The following CAMKMT variants were observed in gnomAD, a reference collection of about 807,000 sequenced individuals.
CAMKMT encodes the protein calmodulin-lysine N-methyltransferase.
In CAMKMT, 53 loss-of-function variants were observed where a neutral mutation model predicts 48.0. The observed-to-expected ratio is 1.10, with a 90% CI of 0.89 to 1.39. CAMKMT has a LOEUF of 1.39. Among genes scored for constraint, CAMKMT ranks in the 40% most tolerant of loss-of-function variants. The pLI is 0.00. For synonymous variants in CAMKMT, 165 were observed against 152.3 expected (o/e 1.08, Z -0.61); for missense variants, 428 against 402.7 (o/e 1.06, Z -0.54).
At chr2:44,373,838 T>G (rs1679412612) in intron 2 of CAMKMT, among the ~76,000 whole-genome samples, 1 of 152,042 alleles carries the variant, frequency 6.6e-6, no homozygotes, top group African/African-American at 2.4e-5. Flanking sequence ...TTACTGAAAA[T>G]GCCGGCTGGG....
Position 44,361,970 on chromosome 2 carries a change from C to G in CAMKMT, c.-38C>G, listed in dbSNP as rs770580663. On this transcript the variant is annotated 5_prime_UTR_variant, in exon 1 of 11. Coordinates refer to ENST00000378494, the MANE Select transcript of CAMKMT (RefSeq NM_024766.5). ...GCAGGTCCTGGCAGGGGACGAGCTGCGGCGGTGGCACCTCCGGGTGTGGAA... is the reference window on the plus strand; with the variant it reads ...GCAGGTCCTGGCAGGGGACGAGCTGGGGCGGTGGCACCTCCGGGTGTGGAA... 7 of 1,362,058 alleles carry G rather than the reference C, an allele frequency of 5.1e-6. No individual in the cohort carries two copies. The highest frequency in any genetic ancestry group is 6.6e-6 in the Non-Finnish European group (7 of 1,061,704). 84.4% of individuals were successfully genotyped at this position (1,362,058 alleles called of 1,614,324 possible). A position where few individuals can be genotyped will look rare whatever the true frequency, so the allele number is the denominator to read the frequency against.
intron 3 of CAMKMT, among the ~76,000 whole-genome samples, chr2:44,641,173 G>T (rs898657297): frequency 6.6e-6 from 1 of 151,966 alleles, no homozygotes; most frequent in Non-Finnish European, 1.5e-5. Context: ...TTCTTAAATG[G>T]CAGCTTTTCC....
At chr2:44,496,969 C>T (rs1669780145) in intron 3 of CAMKMT, among the ~76,000 whole-genome samples, 1 of 151,982 alleles carries the variant, frequency 6.6e-6, no homozygotes, top group Non-Finnish European at 1.5e-5. Context: ...AACCTTTGGC[C>T]GAAATAATCT....
chr2:44,696,872 G>A (rs571362363), intron 3 of CAMKMT, among the ~76,000 whole-genome samples: 95 of 151,978 alleles, frequency 6.3e-4, no homozygotes, highest in African/African-American at 2.1e-3. Flanking sequence ...TCATGAAACA[G>A]GAATAGGATG....
intron 3 of CAMKMT, among the ~76,000 whole-genome samples, chr2:44,658,664 G>A (rs1674510003): frequency 2.0e-5 from 3 of 152,132 alleles, no homozygotes; most frequent in South Asian, 4.2e-4. Context: ...TCAATTATAA[G>A]ATAGGATAAC....
intron 3 of CAMKMT, among the ~76,000 whole-genome samples, chr2:44,624,479 G>GC (rs1672368869): frequency 6.6e-6 from 1 of 151,480 alleles, no homozygotes; most frequent in African/African-American, 2.4e-5. Context: ...CCTCCCCTGT[G>GC]CCCCCACCCC....
intron 3 of CAMKMT, among the ~76,000 whole-genome samples, chr2:44,535,014 GGA>G (rs151262006): frequency 9.0e-4 from 134 of 148,492 alleles, no homozygotes; most frequent in African/African-American, 1.1e-3. Flanking sequence ...GGGGAGAGGG[GGA>G]GAGAGAGAGA....
rs892971293 is a variant in CAMKMT at position 44,592,158 on chromosome 2, A to G, written c.377-112125A>G. ...CAGCACACCAGCATGGCACATGTATACATATGTAACTAACCTGAATATTGT... is the reference window on the plus strand; with the variant it reads ...CAGCACACCAGCATGGCACATGTATGCATATGTAACTAACCTGAATATTGT... On this transcript the variant is annotated intron_variant, in intron 3 of 10. Coordinates refer to ENST00000378494, the MANE Select transcript of CAMKMT (RefSeq NM_024766.5). 2.0e-5 allele frequency among the ~76,000 whole-genome samples: 3 copies of G among 152,090 alleles called. No individual in the cohort carries two copies. The East Asian group carries it at 5.8e-4, about 29-fold the overall frequency.
At chr2:44,735,769 C>T (rs766801676) in intron 7 of CAMKMT, among the ~76,000 whole-genome samples, 9 of 151,826 alleles carry the variant, frequency 5.9e-5, no homozygotes, top group Non-Finnish European at 1.2e-4. Flanking sequence ...AAAAATTAGC[C>T]AGGCGTGGTC....
intron 3 of CAMKMT, among the ~76,000 whole-genome samples, chr2:44,703,804 G>C (rs1677392920): frequency 6.8e-6 from 1 of 146,032 alleles, no homozygotes. Context: ...AGACAGAATT[G>C]TGCATGTTTA....
At chr2:44,368,913 G>A (rs546474910) in intron 1 of CAMKMT, among the ~76,000 whole-genome samples, 2 of 152,186 alleles carry the variant, frequency 1.3e-5, no homozygotes, top group Admixed American at 6.5e-5. Flanking sequence ...TCTGTTGCCT[G>A]CGCTGGAGTG....
chr2:44,419,494 G>T (rs559299977), intron 3 of CAMKMT, among the ~76,000 whole-genome samples: 1 of 152,276 alleles, frequency 6.6e-6, no homozygotes, highest in South Asian at 2.1e-4. Context: ...AAGGATGTTC[G>T]CAGCTTCTAG....
chr2:44,706,459 C>A, intron 5 of CAMKMT, 118 bp downstream of exon 5: 1 of 964,408 alleles, frequency 1.0e-6, no homozygotes, highest in South Asian at 1.3e-5. Flanking sequence ...GTCAAGCTGC[C>A]GGGTCTTGAG....
At position 44,770,559 on chromosome 2, in the gene CAMKMT, A is replaced by G. The variant is rs1216213662; in HGVS notation, c.895-1477A>G. ...AGTAATCAACTTTCCCTTATCCCCA[A>G]TCCCCAAGGAAAGAATTGAGCTAGC... On this transcript the variant is annotated intron_variant, in intron 10 of 10. Transcript: ENST00000378494. Among the ~76,000 whole-genome samples, 8 of 152,208 alleles carry G rather than the reference A, an allele frequency of 5.3e-5. No homozygotes were observed. In the East Asian group the frequency reaches 1.4e-3, roughly 26 times the overall value.
intron 3 of CAMKMT, among the ~76,000 whole-genome samples, chr2:44,672,920 C>A (rs1675416208): frequency 6.6e-6 from 1 of 152,100 alleles, no homozygotes; most frequent in African/African-American, 2.4e-5. Flanking sequence ...ACAGACATTT[C>A]ATAACTACTA....
At chr2:44,664,164 T>G (rs527650) in intron 3 of CAMKMT, among the ~76,000 whole-genome samples, 97,778 of 152,074 alleles carry the variant, frequency 0.64, 31,985 homozygotes, top group Middle Eastern at 0.72. Context: ...AAGCACTTGG[T>G]TTCTGAAATT....
chr2:44,513,668 C>A (rs1267142994), intron 3 of CAMKMT, among the ~76,000 whole-genome samples: 1 of 152,168 alleles, frequency 6.6e-6, no homozygotes, highest in African/African-American at 2.4e-5. Flanking sequence ...ACTTCTCTTT[C>A]CCTTCTTGGG....
At chr2:44,411,177 C>T (rs939742631) in intron 3 of CAMKMT, among the ~76,000 whole-genome samples, 5 of 152,112 alleles carry the variant, frequency 3.3e-5, no homozygotes, top group African/African-American at 1.2e-4. Flanking sequence ...ATAGACAAAA[C>T]CTTGTACATT....
chr2:44,569,990 G>A (rs191761142), intron 3 of CAMKMT, among the ~76,000 whole-genome samples: 1 of 151,958 alleles, frequency 6.6e-6, no homozygotes, highest in African/African-American at 2.4e-5. Context: ...TATTAACTTA[G>A]CCTTTTTTCT....
Sources: allele counts gnomAD v4.1 joint callset (sites outside exome capture counted in the v4.1 genomes callset), GRCh38; gene constraint gnomAD v4.1.1; transcripts MANE v1.5; gene names NCBI Gene and HGNC (gene_info 2026-07-23, HGNC 2026-07-21).